ZNF267: variants seen among roughly 807,000 people sequenced by gnomAD.
The protein encoded by ZNF267 is zinc finger protein 267.
ZNF267 carries 61 observed loss-of-function variants against 71.6 expected under a neutral mutation model. That is an observed-to-expected ratio of 0.85 (90% CI 0.69 to 1.05). The LOEUF is 1.05. Ranked by LOEUF, ZNF267 falls within the 50% of genes least tolerant of loss-of-function variation. ZNF267 has a pLI of 0.00. For synonymous variants in ZNF267, 288 were observed against 293.2 expected (o/e 0.98, Z 0.18); for missense variants, 852 against 870.0 (o/e 0.98, Z 0.26).
intron 3 of ZNF267, among the ~76,000 whole-genome samples, chr16:31,910,244 G>T (rs1424101090): frequency 6.7e-6 from 1 of 148,526 alleles, no homozygotes; most frequent in Non-Finnish European, 1.5e-5. Context: ...TCTGATTTGG[G>T]TATTATGGTA....
intron 3 of ZNF267, among the ~76,000 whole-genome samples, chr16:31,910,681 A>T (rs934227179): frequency 6.6e-6 from 1 of 151,504 alleles, no homozygotes; most frequent in Non-Finnish European, 1.5e-5. Context: ...TCTGCTTAAA[A>T]AAATCAACTT....
chr16:31,915,727 A>T lies in ZNF267; in HGVS notation c.1478A>T (p.Lys493Ile). Residue 493 changes from lysine to isoleucine, a missense_variant, in exon 4 of 4, where the codon AAA (lysine) becomes ATA (isoleucine). Lys to Ile is a moderately radical substitution (Grantham distance 102, BLOSUM62 -3). Transcript: ENST00000300870. Reference sequence around the variant, plus strand: ...GTTCATACTGGAGAGAAGCCTTATAAATGTAAAGAATGTGGCAAAGTCTTT... The same window carrying T: ...GTTCATACTGGAGAGAAGCCTTATATATGTAAAGAATGTGGCAAAGTCTTT... Reference protein sequence around the residue: ...QRVHTGEKPYKCKECGKVFSR... With the variant: ...QRVHTGEKPYICKECGKVFSR... 6.2e-7 allele frequency: 1 copy of T among 1,613,254 alleles called. No homozygotes were observed. The highest frequency in any genetic ancestry group is 8.5e-7 in the Non-Finnish European group (1 of 1,179,870).
chr16:31,884,575 T>C lies in ZNF267; in HGVS notation c.81T>C (p.Asn27=). Residue 27 remains asparagine (N), a synonymous_variant, in exon 2 of 4, where the codon AAT becomes AAC. Transcript: ENST00000300870. The part of the protein sequence containing the change: ...EWEHLEPAQK[N]LYQDVMLENY... ...AACACCTGGAACCAGCTCAGAAGAA[T>C]TTGTATCAGGATGTGATGTTAGAAA... 1 of 1,614,128 alleles carries C rather than the reference T, an allele frequency of 6.2e-7. No individual in the cohort carries two copies. The highest frequency in any genetic ancestry group is 8.5e-7 in the Non-Finnish European group (1 of 1,179,990).
intron 3 of ZNF267, among the ~76,000 whole-genome samples, chr16:31,895,502 C>T (rs903844481): frequency 6.6e-6 from 1 of 152,104 alleles, no homozygotes; most frequent in Non-Finnish European, 1.5e-5. Flanking sequence ...ATTGCTGGAT[C>T]GTATGGTACC....
In ZNF267 at chr16:31,916,184, A is replaced by G. The variant is rs987215438; in HGVS notation, c.1935A>G (p.Ser645=). The G allele has an allele frequency of 6.2e-7, 1 of 1,614,076 alleles. No homozygotes were observed. The highest frequency in any genetic ancestry group is 1.3e-5 in the African/African-American group (1 of 74,948). The change falls in exon 4 of 4, where the codon TCA becomes TCG. Residue 645 remains serine (S), a synonymous_variant. Coordinates refer to ENST00000300870, the MANE Select transcript of ZNF267 (RefSeq NM_003414.6). ...GTGGCAAAGCCTTCAACTATAGGTCATACCTCACTACACATCAGAGAAGTC... is the reference window on the plus strand; with the variant it reads ...GTGGCAAAGCCTTCAACTATAGGTCGTACCTCACTACACATCAGAGAAGTC... ...EECGKAFNYR[S]YLTTHQRSHT... is the part of the protein sequence containing the mutation.
intron 3 of ZNF267, among the ~76,000 whole-genome samples, chr16:31,889,897 C>G (rs1458973561): frequency 6.6e-6 from 1 of 152,182 alleles, no homozygotes; most frequent in Non-Finnish European, 1.5e-5. Flanking sequence ...TGGTGGGAGA[C>G]TAAACATCCA....
At chr16:31,890,927 A>C (rs1292268681) in intron 3 of ZNF267, among the ~76,000 whole-genome samples, 1 of 152,358 alleles carries the variant, frequency 6.6e-6, no homozygotes, top group African/African-American at 2.4e-5. Context: ...GTATCTGTTT[A>C]TTGGATAATT....
intron 3 of ZNF267, among the ~76,000 whole-genome samples, chr16:31,886,990 A>C (rs2083928539): frequency 6.6e-6 from 1 of 152,124 alleles, no homozygotes; most frequent in South Asian, 2.1e-4. Context: ...ACAGTGTACA[A>C]GGGTTTTCTT....
At position 31,875,148 on chromosome 16, in the gene ZNF267, A is replaced by T. The variant is rs766584612; in HGVS notation, c.3+1179A>T. 2.6e-5 allele frequency: 33 copies of T among 1,289,018 alleles called. No homozygotes were observed. The South Asian group carries it at 3.6e-4, about 14-fold the overall frequency. 79.8% of individuals were successfully genotyped at this position (1,289,018 alleles called of 1,614,324 possible). On this transcript the variant is annotated intron_variant, in intron 1 of 3. Coordinates refer to ENST00000300870, the MANE Select transcript of ZNF267 (RefSeq NM_003414.6). ...CTTGAGGTTTTGCTTTGGAAACTTT[A>T]CAGGGCCCTGTATAGCCACCCTCTA...
rs115062013 is a variant in ZNF267 at position 31,897,893 on chromosome 16, A to G, written c.226+12637A>G. Among the ~76,000 whole-genome samples, 369 of 152,254 alleles carry G rather than the reference A, an allele frequency of 2.4e-3. 1 individual carries two copies. The highest frequency in any genetic ancestry group is 8.3e-3 in the African/African-American group (343 of 41,568). On this transcript the variant is annotated intron_variant, in intron 3 of 3. Coordinates refer to ENST00000300870, the MANE Select transcript of ZNF267 (RefSeq NM_003414.6). ...CATTTTATGGCTTAAAAAGTTGTCT[A>G]TCTGGAATAATGTACCATATGTGAT... is the stretch of plus-strand genomic sequence containing the variant.
intron 3 of ZNF267, among the ~76,000 whole-genome samples, chr16:31,901,448 CCT>C (rs1055765693): frequency 3.3e-5 from 5 of 152,204 alleles, no homozygotes; most frequent in African/African-American, 1.2e-4. Context: ...TTCTCCACAT[CCT>C]CTCCAGCACT....
In ZNF267 at chr16:31,914,505, T is replaced by C; in HGVS notation, c.256T>C (p.Leu86=). The part of the protein sequence containing the change: ...DVFSHYNKDL[L]TEHCTEASFQ... ...GTTTTCGCATTATAACAAGGACCTG[T>C]TGACAGAGCACTGCACAGAAGCTTC... is the stretch of plus-strand genomic sequence containing the variant. The change falls in exon 4 of 4, where the codon TTG becomes CTG. Residue 86 remains leucine (L), a synonymous_variant. Transcript: ENST00000300870. 1 of 1,605,286 alleles carries C rather than the reference T, an allele frequency of 6.2e-7. No homozygotes were observed. The highest frequency in any genetic ancestry group is 8.5e-7 in the Non-Finnish European group (1 of 1,176,926).
chr16:31,903,901 C>T (rs1174459305), intron 3 of ZNF267, among the ~76,000 whole-genome samples: 1 of 152,154 alleles, frequency 6.6e-6, no homozygotes, highest in African/African-American at 2.4e-5. Flanking sequence ...TTAGATCTTT[C>T]CTGCTTTCTC....
At chr16:31,880,658 G>A (rs1168722752) in intron 1 of ZNF267, among the ~76,000 whole-genome samples, 3 of 152,156 alleles carry the variant, frequency 2.0e-5, no homozygotes, top group South Asian at 2.1e-4. Context: ...GGCTGACAAC[G>A]GGCTAATCTT....
At chr16:31,881,420 C>T (rs2083889057) in intron 1 of ZNF267, among the ~76,000 whole-genome samples, 1 of 152,306 alleles carries the variant, frequency 6.6e-6, no homozygotes, top group African/African-American at 2.4e-5. Flanking sequence ...TGGGTGGCCG[C>T]TGCTGCCATC....
chr16:31,886,782 T>C (rs1402757140), intron 3 of ZNF267, among the ~76,000 whole-genome samples: 1 of 152,246 alleles, frequency 6.6e-6, no homozygotes, highest in Admixed American at 6.5e-5. Context: ...CTTCATTATG[T>C]CTGAATAATA....
intron 3 of ZNF267, among the ~76,000 whole-genome samples, chr16:31,895,833 T>A (rs1348306681): frequency 6.6e-6 from 1 of 152,230 alleles, no homozygotes; most frequent in Non-Finnish European, 1.5e-5. Context: ...GTTTGTATTA[T>A]CTTGAAATCT....
intron 1 of ZNF267, among the ~76,000 whole-genome samples, chr16:31,874,545 A>G (rs551694626): frequency 1.1e-3 from 171 of 152,288 alleles, no homozygotes; most frequent in Non-Finnish European, 2.3e-3. Flanking sequence ...CCTTATTTAG[A>G]CTATGCAGGT....
In ZNF267 at chr16:31,893,884, A is replaced by G. The variant is rs553107898; in HGVS notation, c.226+8628A>G. On this transcript the variant is annotated intron_variant, in intron 3 of 3. Transcript: ENST00000300870. ...GAAGAAGGTGGGTTTTGCCTGATTC[A>G]TGTGTCACAGACAGGACCAAATTCT... 7.9e-5 allele frequency among the ~76,000 whole-genome samples: 12 copies of G among 152,340 alleles called. No homozygotes were observed. The South Asian group carries it at 1.2e-3, about 16-fold the overall frequency.
Sources: gnomAD v4.1 joint callset for allele counts (sites outside exome capture counted in the v4.1 genomes callset) on GRCh38, gnomAD v4.1.1 for gene constraint, MANE v1.5 for transcripts, NCBI Gene and HGNC (gene_info 2026-07-23, HGNC 2026-07-21) for gene names.